The following CAMTA2 variants were observed in gnomAD, a reference collection of about 807,000 sequenced individuals.
The protein encoded by CAMTA2 is calmodulin-binding transcription activator 2.
Under a neutral mutation model 135.7 loss-of-function variants are expected in CAMTA2, and 56 were observed. The observed-to-expected ratio is 0.41, with a 90% CI of 0.33 to 0.52. The LOEUF (loss-of-function observed/expected upper bound fraction) is 0.52. CAMTA2 is among the 20% of genes least tolerant of loss of function. The pLI is 0.16. For missense variants in CAMTA2, 1,358 were observed against 1,553.4 expected, an observed-to-expected ratio of 0.87 and a Z score of 2.11; for synonymous variants, 591 against 604.6, an observed-to-expected ratio of 0.98 and a Z score of 0.33.
chr17:4,987,284 G>A, intron 1 of CAMTA2: 1 of 1,342,634 alleles, frequency 7.4e-7, no homozygotes, highest in South Asian at 2.0e-5. Flanking sequence ...GAGGTGGGAG[G>A]GTCCCGCCCG....
Position 4,981,700 on chromosome 17 carries a change from C to A in CAMTA2, c.543G>T (p.Leu181Phe). 2 of 1,609,112 alleles carry A rather than the reference C, an allele frequency of 1.2e-6. No individual in the cohort carries two copies. The highest frequency in any genetic ancestry group is 1.7e-5 in the Admixed American group (1 of 58,864). The change falls in exon 7 of 23, where the codon TTG becomes TTT. Residue 181 changes from leucine to phenylalanine, a missense_variant. Leu to Phe is a conservative substitution (Grantham distance 22). Around this residue, in one of 4 missense-constraint regions of CAMTA2, gnomAD observed 1,077 missense variants for 1,127.5 expected, o/e 0.96. Transcript: ENST00000348066. Reference protein sequence around the residue: ...REWLKWSREELLGQLKPMFHG... With the variant: ...REWLKWSREEFLGQLKPMFHG... ...TACACATGGGCTTCAGCTGTCCCAACAACTCCTCCCGGGACCACTTCAGCC... is the reference window on the plus strand; with the variant it reads ...TACACATGGGCTTCAGCTGTCCCAAAAACTCCTCCCGGGACCACTTCAGCC...
intron 9 of CAMTA2, among the ~76,000 whole-genome samples, chr17:4,979,063 GCCCCAATTC>G (rs1263127077): frequency 6.6e-6 from 1 of 152,188 alleles, no homozygotes; most frequent in African/African-American, 2.4e-5. Context: ...AGGCTGCACA[GCCCCAATTC>G]CCTACCCCTG....
chr17:4,969,048 CTAGGCAG>C lies in CAMTA2; in HGVS notation c.3471-74_3471-68del. On this transcript the variant is annotated intron_variant, in intron 21 of 22. Coordinates refer to ENST00000348066, the MANE Select transcript of CAMTA2 (RefSeq NM_015099.4). This position sits in a 1 kb window ranked among gnomAD's most constrained non-coding sequence, Gnocchi z 5.6. Reference sequence around the variant, plus strand: ...CATGCCTTCGGCCCCCCCAGGAACCCTAGGCAGGGAATGGCAGTGAGGCATGATGATC... The same window carrying C: ...CATGCCTTCGGCCCCCCCAGGAACCCGGAATGGCAGTGAGGCATGATGATC... The C allele has an allele frequency of 1.9e-6, 3 of 1,591,722 alleles. No individual in the cohort carries two copies. Among genetic ancestry groups the C allele is most frequent in the Non-Finnish European group, 2.6e-6 (3 of 1,163,936 alleles).
intron 16 of CAMTA2, among the ~76,000 whole-genome samples, chr17:4,971,233 C>T (rs571797452): frequency 6.6e-6 from 1 of 152,194 alleles, no homozygotes; most frequent in African/African-American, 2.4e-5. Context: ...CCTCATCTTG[C>T]CAGCCTTACC....
At position 4,980,237 on chromosome 17, in the gene CAMTA2, G is replaced by A. The variant is rs751246810; in HGVS notation, c.1085C>T (p.Thr362Ile). The change falls in exon 9 of 23, where the codon ACT (threonine) becomes ATT (isoleucine). Residue 362 changes from threonine to isoleucine, a missense_variant. Coordinates refer to ENST00000348066, the MANE Select transcript of CAMTA2 (RefSeq NM_015099.4). The surrounding 1 kb of genome is among the most constrained non-coding windows in gnomAD (Gnocchi z 5.3). ...AGGAGCTGGTGGGGCAGAAGGCTCAGTGCCTACAACCACTGCCAAACTCAT... is the reference window on the plus strand; with the variant it reads ...AGGAGCTGGTGGGGCAGAAGGCTCAATGCCTACAACCACTGCCAAACTCAT... Reference protein sequence around the residue: ...PSMSLAVVVGTEPSAPPAPPS... With the variant: ...PSMSLAVVVGIEPSAPPAPPS... 15 of 1,581,426 alleles carry A rather than the reference G, an allele frequency of 9.5e-6. No individual in the cohort carries two copies. The South Asian group carries it at 1.6e-4, about 17-fold the overall frequency.
rs1972490738 is a variant in CAMTA2, at chr17:4,974,411, G to T, written c.1990C>A (p.Gln664Lys). 1 of 1,613,022 alleles carries T rather than the reference G, an allele frequency of 6.2e-7. No homozygotes were observed. Among genetic ancestry groups the T allele is most frequent in the Non-Finnish European group, 8.5e-7 (1 of 1,179,126 alleles). ...EIAAAGQVPC[Q>K]GPDAPPVQDE... ...TGAACTGGAGGAGCATCAGGACCCT[G>T]GCAAGGCACCTGCCCAGCTGCTGCG... Residue 664 changes from glutamine (Q) to lysine (K), a missense_variant, in exon 12 of 23, where the codon CAG (glutamine) becomes AAG (lysine). Gln to Lys is a moderately conservative substitution (Grantham distance 53). Coordinates refer to ENST00000348066, the MANE Select transcript of CAMTA2 (RefSeq NM_015099.4).
Position 4,969,028 on chromosome 17 carries a change from C to T in CAMTA2, c.3471-47G>A, listed in dbSNP as rs1435747434. On this transcript the variant is annotated intron_variant, in intron 21 of 22. Coordinates refer to ENST00000348066, the MANE Select transcript of CAMTA2 (RefSeq NM_015099.4). The surrounding 1 kb of genome is among the most constrained non-coding windows in gnomAD (Gnocchi z 5.6). ...GGACCTCACAGAAGGCATCGCATGC[C>T]TTCGGCCCCCCCAGGAACCCTAGGC... The T allele has an allele frequency of 6.2e-7, 1 of 1,601,244 alleles. No individual in the cohort carries two copies. Among genetic ancestry groups the T allele is most frequent in the South Asian group, 1.1e-5 (1 of 90,664 alleles).
rs199920909 is a variant in CAMTA2 at position 4,981,278 on chromosome 17, T to G, written c.647A>C (p.His216Pro). 2.5e-6 allele frequency: 4 copies of G among 1,614,068 alleles called. No homozygotes were observed. The East Asian group carries it at 8.9e-5, about 36-fold the overall frequency. The change falls in exon 8 of 23, where the codon CAC (histidine) becomes CCC (proline). Residue 216 changes from histidine (H) to proline (P), a missense_variant. Physicochemically the swap from His to Pro is moderately conservative, Grantham distance 77. Transcript: ENST00000348066. The stretch of plus-strand genomic sequence containing the variant: ...GGTTCGGGGAGCAGGCTTGGTTGGG[T>G]GGGTGTCCAAAATCTGCTGCACCAG... The part of the protein sequence containing the change: ...EHLVQQILDT[H>P]PTKPAPRTHA...
At chr17:4,986,520 T>G in intron 1 of CAMTA2, 2 of 527,872 alleles carry the variant, frequency 3.8e-6, no homozygotes, top group Non-Finnish European at 6.6e-6. Context: ...TGGGTTGGGG[T>G]GGGGGAGCGG....
rs371562784 is a variant in CAMTA2, at chr17:4,983,475, G to C, written c.136-432C>G. On this transcript the variant is annotated intron_variant, in intron 3 of 22. Transcript: ENST00000348066. ...TTTTGTATTTTTTTTAGTAGAGACA[G>C]GATTTCACCATGTTGGTAAGGCTGG... is the stretch of plus-strand genomic sequence containing the variant. 1.1e-4 allele frequency among the ~76,000 whole-genome samples: 16 copies of C among 152,090 alleles called. No individual in the cohort carries two copies. The East Asian group carries it at 2.9e-3, about 28-fold the overall frequency.
rs568427008 is a variant in CAMTA2 at position 4,981,905 on chromosome 17, C to T, written c.412-74G>A. 12 of 1,463,396 alleles carry T rather than the reference C, an allele frequency of 8.2e-6. No individual in the cohort carries two copies. In the East Asian group the frequency reaches 2.8e-4, roughly 34 times the overall value. 90.7% of individuals were successfully genotyped at this position (1,463,396 alleles called of 1,614,324 possible). ...GGCTTGGCTTCCTAATCCTCACTTT[C>T]TTCCTGGGCACCCTCCTAACCTCGC... On this transcript the variant is annotated intron_variant, in intron 6 of 22. Transcript: ENST00000348066.
chr17:4,978,562 A>T lies in CAMTA2; in HGVS notation c.1707T>A (p.Asp569Glu), dbSNP rs1203948152. 1.9e-6 allele frequency: 3 copies of T among 1,614,024 alleles called. No individual in the cohort carries two copies. The highest frequency in any genetic ancestry group is 2.5e-6 in the Non-Finnish European group (3 of 1,180,002). ...CAAGTGAGGCTGGCACTGCGATGTG[A>T]TCAAAGACACAGGAGTAATGCTCGG... ...EAAEHYSCVF[D>E]HIAVPASLVQ... Residue 569 changes from aspartate (D) to glutamate (E), a missense_variant, in exon 10 of 23, where the codon GAT becomes GAA. By Grantham distance (45) the Asp-to-Glu change is conservative. Transcript: ENST00000348066.
chr17:4,975,336 T>G (rs1972548809), intron 11 of CAMTA2, among the ~76,000 whole-genome samples: 2 of 150,380 alleles, frequency 1.3e-5, no homozygotes, highest in African/African-American at 4.9e-5. Flanking sequence ...GCAAAAAAGA[T>G]AAAGTGAAGG....
At chr17:4,970,185 G>C (rs1972189153) in intron 17 of CAMTA2, 100 bp from the exon 18 acceptor site, 12 of 1,409,918 alleles carry the variant, frequency 8.5e-6, no homozygotes, top group Non-Finnish European at 1.1e-5. Flanking sequence ...ACTGAGTCTG[G>C]AGAGTGACTT....
intron 3 of CAMTA2, among the ~76,000 whole-genome samples, chr17:4,983,521 G>A (rs1299101502): frequency 3.9e-5 from 6 of 151,980 alleles, no homozygotes; most frequent in African/African-American, 1.5e-4. Context: ...CTGACCTCAG[G>A]TGATCCACCC....
chr17:4,979,073 C>G (rs1343490337), intron 9 of CAMTA2, among the ~76,000 whole-genome samples: 1 of 152,212 alleles, frequency 6.6e-6, no homozygotes, highest in African/African-American at 2.4e-5. Context: ...GCCCCAATTC[C>G]CTACCCCTGA....
intron 11 of CAMTA2, among the ~76,000 whole-genome samples, chr17:4,976,454 T>A (rs954030389): frequency 3.3e-5 from 5 of 152,054 alleles, no homozygotes; most frequent in African/African-American, 4.8e-5. Flanking sequence ...ATCCCAACAC[T>A]TTGGTAGACC....
chr17:4,987,211 C>T, intron 1 of CAMTA2: 1 of 1,336,292 alleles, frequency 7.5e-7, no homozygotes, highest in Non-Finnish European at 9.5e-7. Flanking sequence ...TGGGCGGCGC[C>T]GGATCGGACG....
chr17:4,982,838 C>G lies in CAMTA2; in HGVS notation c.258G>C (p.Lys86Asn). The G allele has an allele frequency of 6.2e-7, 1 of 1,614,186 alleles. No individual in the cohort carries two copies. Among genetic ancestry groups the G allele is most frequent in the Non-Finnish European group, 8.5e-7 (1 of 1,180,048 alleles). The change falls in exon 5 of 23, where the codon AAG becomes AAC. Residue 86 changes from lysine to asparagine, a missense_variant. Transcript: ENST00000348066. The part of the protein sequence containing the change: ...LYNRKKVKYR[K>N]DGYLWKKRKD... ...TCCGCTTCTTCCAGAGGTAACCATC[C>G]TTCCGATATTTCACCTTCTTGCGAT...
Sources: gnomAD v4.1 joint callset for allele counts (sites outside exome capture counted in the v4.1 genomes callset) on GRCh38, gnomAD v4.1.1 for gene constraint, gnomAD v4.1.1 regional missense constraint, Gnocchi (gnomAD v3.1) non-coding constraint, MANE v1.5 for transcripts, NCBI Gene and HGNC (gene_info 2026-07-23, HGNC 2026-07-21) for gene names.